Variants in ADAMTSL3 observed in about 807,000 individuals in gnomAD.
ADAMTSL3 encodes the protein ADAMTS-like protein 3.
A neutral mutation model predicts 201.7 loss-of-function variants in ADAMTSL3; 128 were observed. The observed-to-expected ratio is 0.63, with a 90% confidence interval of 0.55 to 0.73. ADAMTSL3 has a LOEUF of 0.73. Among genes scored for constraint, ADAMTSL3 ranks in the 30% least tolerant of loss-of-function variants. ADAMTSL3 has a pLI of 0.00. For missense variants in ADAMTSL3, 1,990 were observed against 2,119.6 expected, an observed-to-expected ratio of 0.94 and a Z score of 1.20; for synonymous variants, 738 against 748.4, an observed-to-expected ratio of 0.99 and a Z score of 0.23.
At chr15:83,707,049 T>A (rs1544876) in intron 3 of ADAMTSL3, among the ~76,000 whole-genome samples, 127,374 of 152,136 alleles carry the variant, frequency 0.84, 53,843 homozygotes, top group East Asian at 0.96. Flanking sequence ...ATCAAACTTT[T>A]AAAAAATCCC....
At chr15:83,957,956 T>G (rs1238037303) in intron 19 of ADAMTSL3, among the ~76,000 whole-genome samples, 1 of 152,198 alleles carries the variant, frequency 6.6e-6, no homozygotes, top group Non-Finnish European at 1.5e-5. Flanking sequence ...GCATAGTTAC[T>G]ATTCCCAAAT....
At chr15:83,802,630 A>G (rs2063542567) in intron 4 of ADAMTSL3, among the ~76,000 whole-genome samples, 2 of 152,182 alleles carry the variant, frequency 1.3e-5, no homozygotes, top group East Asian at 1.9e-4. Flanking sequence ...CATTTATATA[A>G]CATTTTGGAA....
chr15:84,017,838 G>A (rs960089782), intron 25 of ADAMTSL3, among the ~76,000 whole-genome samples: 1 of 152,218 alleles, frequency 6.6e-6, no homozygotes. Flanking sequence ...GAAGCTCACA[G>A]TCTGAAGAGG....
intron 2 of ADAMTSL3, among the ~76,000 whole-genome samples, chr15:83,677,595 A>G (rs2061424372): frequency 6.6e-6 from 1 of 151,852 alleles, no homozygotes; most frequent in South Asian, 2.1e-4. Flanking sequence ...TTACTATGAA[A>G]TATATTATTA....
chr15:84,025,832 A>G (rs2068295191), intron 27 of ADAMTSL3, among the ~76,000 whole-genome samples: 1 of 152,360 alleles, frequency 6.6e-6, no homozygotes, highest in South Asian at 2.1e-4. Context: ...GAAAAAGTTT[A>G]ATGTGTAGGA....
At chr15:83,853,916 CTATCTATCT>C (rs2064672986) in intron 7 of ADAMTSL3, among the ~76,000 whole-genome samples, 2 of 139,212 alleles carry the variant, frequency 1.4e-5, no homozygotes. Flanking sequence ...CTCTATCTAT[CTATCTATCT>C]ATCTATCTAT....
At chr15:83,979,718 C>T (rs781342577) in intron 20 of ADAMTSL3, among the ~76,000 whole-genome samples, 2 of 152,140 alleles carry the variant, frequency 1.3e-5, no homozygotes, top group Non-Finnish European at 2.9e-5. Flanking sequence ...GAAAGAAATC[C>T]TCCCATGATC....
chr15:83,930,340 G>A (rs2066333958), intron 17 of ADAMTSL3, among the ~76,000 whole-genome samples: 1 of 152,170 alleles, frequency 6.6e-6, no homozygotes, highest in Admixed American at 6.5e-5. Flanking sequence ...TGACGTGCTT[G>A]GGGTTTTAGT....
At chr15:83,875,817 A>AACGG (rs1383133723) in intron 9 of ADAMTSL3, among the ~76,000 whole-genome samples, 1 of 152,052 alleles carries the variant, frequency 6.6e-6, no homozygotes, top group Non-Finnish European at 1.5e-5. Context: ...TAAAAAAAAG[A>AACGG]ACAATCAGGA....
intron 6 of ADAMTSL3, among the ~76,000 whole-genome samples, chr15:83,835,126 C>G (rs1039202563): frequency 6.7e-6 from 1 of 148,728 alleles, no homozygotes; most frequent in Non-Finnish European, 1.5e-5. Context: ...CCCAGCTACT[C>G]GGGAGGCTGA....
At chr15:83,971,820 A>G (rs569094142) in intron 20 of ADAMTSL3, among the ~76,000 whole-genome samples, 2 of 149,724 alleles carry the variant, frequency 1.3e-5, no homozygotes, top group African/African-American at 4.9e-5. Flanking sequence ...TTTGGTAAGG[A>G]AAAAAATTAA....
intron 7 of ADAMTSL3, among the ~76,000 whole-genome samples, chr15:83,850,409 C>A (rs1351454496): frequency 6.6e-6 from 1 of 150,970 alleles, no homozygotes; most frequent in African/African-American, 2.4e-5. Flanking sequence ...TATGTATATA[C>A]ATGTATATAC....
intron 3 of ADAMTSL3, among the ~76,000 whole-genome samples, chr15:83,725,774 C>T (rs572043055): frequency 2.0e-5 from 3 of 152,138 alleles, no homozygotes; most frequent in East Asian, 1.9e-4. Flanking sequence ...ATGGCAGTAC[C>T]ATGATGTTTT....
chr15:84,021,024 T>C (rs1354783034), intron 25 of ADAMTSL3, among the ~76,000 whole-genome samples: 2 of 152,226 alleles, frequency 1.3e-5, no homozygotes, highest in African/African-American at 4.8e-5. Context: ...TTTTGAGAAA[T>C]TGAACCCGTT....
intron 23 of ADAMTSL3, among the ~76,000 whole-genome samples, chr15:83,994,783 A>G (rs1596512651): frequency 2.0e-5 from 1 of 51,238 alleles, no homozygotes; most frequent in South Asian, 5.8e-4. Context: ...TTTTTTTTGC[A>G]TTTTTAGTAG....
intron 2 of ADAMTSL3, among the ~76,000 whole-genome samples, chr15:83,671,018 A>T (rs887725768): frequency 6.6e-6 from 1 of 152,258 alleles, no homozygotes; most frequent in Non-Finnish European, 1.5e-5. Context: ...TGTTCCTGGC[A>T]TTAACTGTAC....
At chr15:83,870,159 G>T (rs2065055778) in intron 8 of ADAMTSL3, among the ~76,000 whole-genome samples, 1 of 152,158 alleles carries the variant, frequency 6.6e-6, no homozygotes, top group Non-Finnish European at 1.5e-5. Flanking sequence ...ATGCACAAGG[G>T]AGGTCTTTGT....
In ADAMTSL3 at chr15:83,838,168, G is replaced by C; in HGVS notation, c.680G>C (p.Cys227Ser). 1 of 1,612,860 alleles carries C rather than the reference G, an allele frequency of 6.2e-7. No homozygotes were observed. The highest frequency in any genetic ancestry group is 8.5e-7 in the Non-Finnish European group (1 of 1,179,534). ...CGVCAGDGSTCRLVRGQSKSH... is the reference protein window; with the variant it reads ...CGVCAGDGSTSRLVRGQSKSH... ...GTCTGTGCCGGCGATGGCTCCACCT[G>C]CAGGCTTGTACGGGGACAATCAAAG... The change falls in exon 7 of 30, where the codon TGC (cysteine) becomes TCC (serine). Residue 227 changes from cysteine (C) to serine (S), a missense_variant. Physicochemically the swap from Cys to Ser is moderately radical, Grantham distance 112. Coordinates refer to ENST00000286744, the MANE Select transcript of ADAMTSL3 (RefSeq NM_207517.3).
intron 15 of ADAMTSL3, among the ~76,000 whole-genome samples, chr15:83,910,459 T>TA (rs2065910436): frequency 9.9e-6 from 1 of 100,670 alleles, no homozygotes; most frequent in African/African-American, 5.1e-5. Context: ...TTAGTTGCCG[T>TA]GGGTTTTTTT....
Sources: gnomAD v4.1 joint callset for allele counts (sites outside exome capture counted in the v4.1 genomes callset) on GRCh38, gnomAD v4.1.1 for gene constraint, MANE v1.5 for transcripts, NCBI Gene and HGNC (gene_info 2026-07-23, HGNC 2026-07-21) for gene names.